Variants in GPC6 observed in about 807,000 individuals in gnomAD.
The protein encoded by GPC6 is glypican 6.
A neutral mutation model predicts 55.2 loss-of-function variants in GPC6; 14 were observed. The observed-to-expected ratio is 0.25, with a 90% CI of 0.17 to 0.40. GPC6 has a LOEUF of 0.40. Ranked by LOEUF, GPC6 falls within the 10% of genes least tolerant of loss-of-function variation. The pLI is 1.00. For synonymous variants in GPC6, 278 were observed against 259.6 expected, an observed-to-expected ratio of 1.07 and a Z score of -0.68; for missense variants, 641 against 708.5, an observed-to-expected ratio of 0.90 and a Z score of 1.08.
intron 1 of GPC6, among the ~76,000 whole-genome samples, chr13:93,467,677 T>C (rs747704715): frequency 6.7e-6 from 1 of 148,186 alleles, no homozygotes; most frequent in Non-Finnish European, 1.5e-5. Context: ...CTCGAGCTCC[T>C]GGACCCAAGC....
intron 2 of GPC6, among the ~76,000 whole-genome samples, chr13:93,696,555 A>G (rs1308235151): frequency 6.6e-6 from 1 of 151,654 alleles, no homozygotes; most frequent in East Asian, 1.9e-4. Context: ...TTTTTTTTAA[A>G]AAACAAAAAC....
At chr13:93,288,081 G>A (rs1168789407) in intron 1 of GPC6, among the ~76,000 whole-genome samples, 9 of 152,114 alleles carry the variant, frequency 5.9e-5, no homozygotes, top group African/African-American at 2.2e-4. Context: ...TATCTAGAGT[G>A]AGCTGTTTAG....
In GPC6 at chr13:94,159,176, C is replaced by T. The variant is rs148920497; in HGVS notation, c.878-127173C>T. ...GGATTCCACATCAACTACTTACTAGCCCTGAGACATTGGGCATATCACTCA... is the reference window on the plus strand; with the variant it reads ...GGATTCCACATCAACTACTTACTAGTCCTGAGACATTGGGCATATCACTCA... On this transcript the variant is annotated intron_variant, in intron 4 of 8. Coordinates refer to ENST00000377047, the MANE Select transcript of GPC6 (RefSeq NM_005708.5). Among the ~76,000 whole-genome samples the T allele has an allele frequency of 8.3e-4, 126 of 152,242 alleles. 1 individual carries two copies. Among genetic ancestry groups the T allele is most frequent in the African/African-American group, 2.8e-3 (116 of 41,564 alleles).
intron 2 of GPC6, among the ~76,000 whole-genome samples, chr13:93,619,035 A>G (rs960248676): frequency 1.3e-5 from 2 of 152,194 alleles, no homozygotes; most frequent in African/African-American, 4.8e-5. Flanking sequence ...ATACTGTGGT[A>G]AATATTTGTG....
At chr13:93,265,887 C>A (rs1023202487) in intron 1 of GPC6, among the ~76,000 whole-genome samples, 3 of 151,864 alleles carry the variant, frequency 2.0e-5, no homozygotes, top group African/African-American at 7.3e-5. Flanking sequence ...TGGCAGGAGC[C>A]ACCGCAGCTC....
chr13:93,909,768 T>C (rs74109118), intron 3 of GPC6, among the ~76,000 whole-genome samples: 7,118 of 152,192 alleles, frequency 0.047, 502 homozygotes, highest in African/African-American at 0.15. Context: ...TGAGAAGCAA[T>C]TATAAAGTTA....
intron 2 of GPC6, among the ~76,000 whole-genome samples, chr13:93,582,814 G>A (rs1009704919): frequency 6.6e-6 from 1 of 152,180 alleles, no homozygotes; most frequent in Non-Finnish European, 1.5e-5. Context: ...AACGTGCTAG[G>A]AAAAGCGAAG....
At chr13:93,715,216 C>T (rs996258580) in intron 2 of GPC6, among the ~76,000 whole-genome samples, 3 of 151,596 alleles carry the variant, frequency 2.0e-5, no homozygotes, top group Admixed American at 1.3e-4. Context: ...AACTTAGATG[C>T]CCATCAACGG....
At chr13:93,270,736 AAG>A (rs1555286383) in intron 1 of GPC6, among the ~76,000 whole-genome samples, 1 of 146,438 alleles carries the variant, frequency 6.8e-6, no homozygotes, top group Non-Finnish European at 1.5e-5. Context: ...AAAAAAAAAA[AAG>A]CTCCAAGTGG....
chr13:93,883,098 C>T (rs1373381610), intron 3 of GPC6, among the ~76,000 whole-genome samples: 1 of 150,896 alleles, frequency 6.6e-6, no homozygotes, highest in African/African-American at 2.4e-5. Flanking sequence ...CTGCAGCTTC[C>T]TCTTCTGTCT....
At chr13:93,767,799 G>T (rs571656532) in intron 2 of GPC6, among the ~76,000 whole-genome samples, 2 of 152,154 alleles carry the variant, frequency 1.3e-5, no homozygotes, top group Non-Finnish European at 2.9e-5. Context: ...CTTAAAAAAT[G>T]TTTATTCTGA....
At chr13:93,495,595 G>T (rs1880231365) in intron 1 of GPC6, among the ~76,000 whole-genome samples, 1 of 110,658 alleles carries the variant, frequency 9.0e-6, no homozygotes, top group Non-Finnish European at 1.9e-5. Flanking sequence ...AGGAGGAGAG[G>T]TGCTCTGCTT....
At position 93,895,234 on chromosome 13, in the gene GPC6, G is replaced by GTGTGTATA. The variant is rs1196315147; in HGVS notation, c.711+64690_711+64691insGTGTATAT. ...TGTGTGTGTATGTATGTGTGTGTGT[G>GTGTGTATA]TATATATATATATATATATATATAT... On this transcript the variant is annotated intron_variant, in intron 3 of 8. Transcript: ENST00000377047. Among the ~76,000 whole-genome samples, 128 of 108,206 alleles carry GTGTGTATA rather than the reference G, an allele frequency of 1.2e-3. 3 individuals carry two copies. The highest frequency in any genetic ancestry group is 1.7e-3 in the Non-Finnish European group (90 of 52,162). The allele number at this position is 108,206 out of a possible 152,430, so 71.0% of individuals were successfully genotyped here.
At chr13:93,658,958 A>G (rs1365633651) in intron 2 of GPC6, among the ~76,000 whole-genome samples, 2 of 151,906 alleles carry the variant, frequency 1.3e-5, no homozygotes, top group African/African-American at 4.8e-5. Flanking sequence ...TTAATGGTTC[A>G]TTAAATATTT....
At chr13:93,769,655 T>C (rs1163999874) in intron 2 of GPC6, among the ~76,000 whole-genome samples, 1 of 152,210 alleles carries the variant, frequency 6.6e-6, no homozygotes, top group African/African-American at 2.4e-5. Flanking sequence ...CTTGCACACT[T>C]GCTTTGCTTT....
rs572459414 is a variant in GPC6 at position 93,311,104 on chromosome 13, A to G, written c.160+83488A>G. On this transcript the variant is annotated intron_variant, in intron 1 of 8. Transcript: ENST00000377047. ...GTGGAACCCAGAAATTGCATTACCC[A>G]TGGCCCTAAAGTCTAGACCTCCGGC... Among the ~76,000 whole-genome samples, 4 of 152,272 alleles carry G rather than the reference A, an allele frequency of 2.6e-5. No homozygotes were observed. The South Asian group carries it at 8.3e-4, about 32-fold the overall frequency.
chr13:93,379,026 A>C (rs1875043863), intron 1 of GPC6, among the ~76,000 whole-genome samples: 1 of 151,920 alleles, frequency 6.6e-6, no homozygotes, highest in Non-Finnish European at 1.5e-5. Flanking sequence ...TAAAGGAAGA[A>C]AAAAATAGTT....
Position 94,404,682 on chromosome 13 carries a change from G to A in GPC6, c.*1465G>A, listed in dbSNP as rs2139236231. The A allele has an allele frequency of 6.6e-6, 1 of 152,324 alleles. No homozygotes were observed. The highest frequency in any genetic ancestry group is 2.1e-4 in the South Asian group (1 of 4,822). 9.4% of individuals were successfully genotyped at this position (152,324 alleles called of 1,614,324 possible). ...TGGTGTGCAGGGCTTTACCGGTGAT[G>A]GAAACTGTATGTGTAAAGAATGTTA... is the stretch of plus-strand genomic sequence containing the variant. On this transcript the variant is annotated 3_prime_UTR_variant, in exon 9 of 9. Transcript: ENST00000377047.
chr13:93,979,525 C>T (rs1385344063), intron 3 of GPC6, among the ~76,000 whole-genome samples: 1 of 151,556 alleles, frequency 6.6e-6, no homozygotes, highest in Non-Finnish European at 1.5e-5. Context: ...TAATTCAGAC[C>T]ATGCAAGGAA....
Sources: gnomAD v4.1 joint callset for allele counts (sites outside exome capture counted in the v4.1 genomes callset) on GRCh38, gnomAD v4.1.1 for gene constraint, MANE v1.5 for transcripts, NCBI Gene and HGNC (gene_info 2026-07-23, HGNC 2026-07-21) for gene names.